ABHD2: variants seen among roughly 807,000 people sequenced by gnomAD.
The protein encoded by ABHD2 is abhydrolase domain containing 2, acylglycerol lipase, also known as monoacylglycerol lipase ABHD2.
A neutral mutation model predicts 48.1 loss-of-function variants in ABHD2; 20 were observed. That is an observed-to-expected ratio of 0.42 (90% CI 0.29 to 0.60). ABHD2 has a LOEUF of 0.60. Among genes scored for constraint, ABHD2 ranks in the 20% least tolerant of loss-of-function variants. The probability of loss-of-function intolerance (pLI) is 0.24; values close to 1 mark genes in which losing one functional copy is unlikely to be tolerated. For missense variants in ABHD2, 405 were observed against 550.9 expected (o/e 0.74, Z 2.65); for synonymous variants, 209 against 214.2 (o/e 0.98, Z 0.21).
chr15:89,129,211 G>T (rs1044545466), intron 3 of ABHD2, among the ~76,000 whole-genome samples: 2 of 152,056 alleles, frequency 1.3e-5, no homozygotes, highest in African/African-American at 4.8e-5. Flanking sequence ...GGTTGTGGGG[G>T]TGGGCAGAGA....
rs1249982807 is a variant in ABHD2 at position 89,116,513 on chromosome 15, G to T, written c.186G>T (p.Leu62=). Residue 62 remains leucine, a synonymous_variant, in exon 3 of 11, where the codon CTG becomes CTT. Coordinates refer to ENST00000352732, the MANE Select transcript of ABHD2 (RefSeq NM_152924.5). This position sits in a 1 kb window ranked among gnomAD's most constrained non-coding sequence, Gnocchi z 4.6. ...SRFLLKSCPL[L]TKEYIPPLIW... ...TTCTGCTCAAGTCCTGTCCTCTTCTGACCAAAGAGTGAGTAGACCTCATGC... is the reference window on the plus strand; with the variant it reads ...TTCTGCTCAAGTCCTGTCCTCTTCTTACCAAAGAGTGAGTAGACCTCATGC... 3 of 1,613,494 alleles carry T rather than the reference G, an allele frequency of 1.9e-6. No homozygotes were observed. The highest frequency in any genetic ancestry group is 1.7e-5 in the Admixed American group (1 of 59,952).
At chr15:89,183,387 ATATATAT>A (rs1567109344) in intron 6 of ABHD2, 37 of 76,176 alleles carry the variant, frequency 4.9e-4, no homozygotes, top group East Asian at 6.5e-4. Context: ...AAAAAAAAAT[ATATATAT>A]ATATATATAT....
In ABHD2 at chr15:89,189,067, C is replaced by A. The variant is rs1372578152; in HGVS notation, c.926+764C>A. 6.6e-6 allele frequency among the ~76,000 whole-genome samples: 1 copy of A among 152,198 alleles called. No individual in the cohort carries two copies. Among genetic ancestry groups the A allele is most frequent in the African/African-American group, 2.4e-5 (1 of 41,458 alleles). On this transcript the variant is annotated intron_variant, in intron 8 of 10. Coordinates refer to ENST00000352732, the MANE Select transcript of ABHD2 (RefSeq NM_152924.5). The surrounding 1 kb of genome is among the most constrained non-coding windows in gnomAD (Gnocchi z 4.9). ...TCTCTCCTCCAGGCACCTGAGGTTG[C>A]AGCCTTGACAGTGGCCTCTTTCCTG...
rs376424915 is a variant in ABHD2, at chr15:89,092,017, T to C, written c.-107+3454T>C. ...CATTTTTAAGCCCTGTGCTGCTGTT[T>C]CTTTGTTGATACCATACAGATGCTA... is the stretch of plus-strand genomic sequence containing the variant. On this transcript the variant is annotated intron_variant, in intron 1 of 10. Transcript: ENST00000352732. This position sits in a 1 kb window ranked among gnomAD's most constrained non-coding sequence, Gnocchi z 4.4. 4.6e-5 allele frequency among the ~76,000 whole-genome samples: 7 copies of C among 152,240 alleles called. No individual in the cohort carries two copies. The East Asian group carries it at 1.3e-3, about 29-fold the overall frequency.
At chr15:89,134,164 A>G (rs948601425) in intron 3 of ABHD2, among the ~76,000 whole-genome samples, 6 of 152,186 alleles carry the variant, frequency 3.9e-5, no homozygotes, top group African/African-American at 1.4e-4. Flanking sequence ...TGTTTGCATA[A>G]TTAAATTTTT....
In ABHD2 at chr15:89,193,336, G is replaced by C. The variant is rs760368119; in HGVS notation, c.1081+17G>C. 1 of 1,606,768 alleles carries C rather than the reference G, an allele frequency of 6.2e-7. No homozygotes were observed. The highest frequency in any genetic ancestry group is 2.2e-5 in the East Asian group (1 of 44,868). On this transcript the variant is annotated intron_variant, in intron 10 of 10. Transcript: ENST00000352732. The stretch of plus-strand genomic sequence containing the variant: ...CTCTTTCAGGTAAGTGTTTCTTCCT[G>C]CTGCCCTCTCAACAGCTCAGCAAGT...
chr15:89,107,583 C>T (rs1180932009), intron 1 of ABHD2, among the ~76,000 whole-genome samples: 1 of 152,114 alleles, frequency 6.6e-6, no homozygotes, highest in Non-Finnish European at 1.5e-5. Context: ...TGTATGCCGG[C>T]ATTGTTTTAA....
rs555079142 is a variant in ABHD2, at chr15:89,163,447, C to G, written c.538+7913C>G. On this transcript the variant is annotated intron_variant, in intron 5 of 10. Transcript: ENST00000352732. ...CACTCTAATGAGTGCCAGGCATGTG[C>G]TTTCACGTTACTTCACTTGATCCTT... 6.6e-5 allele frequency among the ~76,000 whole-genome samples: 10 copies of G among 152,366 alleles called. No individual in the cohort carries two copies. In the South Asian group the frequency reaches 1.9e-3, roughly 28 times the overall value.
In ABHD2 at chr15:89,164,202, G is replaced by A. The variant is rs746061064; in HGVS notation, c.538+8668G>A. Reference sequence around the variant, plus strand: ...CCTTCAGGAAGATCCCAGTCTATGAGGAACTCTCACCATCTAGTTGGGGAA... The same window carrying A: ...CCTTCAGGAAGATCCCAGTCTATGAAGAACTCTCACCATCTAGTTGGGGAA... On this transcript the variant is annotated intron_variant, in intron 5 of 10. Coordinates refer to ENST00000352732, the MANE Select transcript of ABHD2 (RefSeq NM_152924.5). The surrounding 1 kb of genome is among the most constrained non-coding windows in gnomAD (Gnocchi z 5.0). Among the ~76,000 whole-genome samples, 1 of 152,166 alleles carries A rather than the reference G, an allele frequency of 6.6e-6. No individual in the cohort carries two copies. The highest frequency in any genetic ancestry group is 1.5e-5 in the Non-Finnish European group (1 of 68,028).
chr15:89,183,711 A>G (rs985552610), intron 6 of ABHD2, among the ~76,000 whole-genome samples: 1 of 151,942 alleles, frequency 6.6e-6, no homozygotes, highest in Non-Finnish European at 1.5e-5. Context: ...ATCTTTTTAT[A>G]TCTTGTTTAT....
the ABHD2 span, among the ~76,000 whole-genome samples, chr15:89,062,999 A>C: frequency 3.8e-5 from 5 of 130,880 alleles, no homozygotes; most frequent in Admixed American, 1.7e-4. Flanking sequence ...ACAGAGTCTC[A>C]CTCTGTCACC....
intron 1 of ABHD2, among the ~76,000 whole-genome samples, chr15:89,095,063 CA>C (rs72090062): frequency 0.058 from 3,141 of 53,810 alleles, 18 homozygotes; most frequent in Non-Finnish European, 0.088. Context: ...GACTGTGTCT[CA>C]AAAAAAAAAA....
At position 89,147,479 on chromosome 15, in the gene ABHD2, A is replaced by G. The variant is rs914091910; in HGVS notation, c.195-4198A>G. ...CGCCATTCTCCTGCCTCAGCCTCCCAAGTAGCTGGGATTACAGGTGCCCGC... is the reference window on the plus strand; with the variant it reads ...CGCCATTCTCCTGCCTCAGCCTCCCGAGTAGCTGGGATTACAGGTGCCCGC... On this transcript the variant is annotated intron_variant, in intron 3 of 10. Transcript: ENST00000352732. Among the ~76,000 whole-genome samples the G allele has an allele frequency of 5.4e-5, 8 of 148,914 alleles. 1 individual carries two copies. The South Asian group carries it at 1.1e-3, about 20-fold the overall frequency.
chr15:89,058,021 C>T, the ABHD2 span, among the ~76,000 whole-genome samples: 4 of 152,124 alleles, frequency 2.6e-5, no homozygotes, highest in Admixed American at 6.5e-5. Context: ...GGCAAGAGAA[C>T]GAATGGAAGC....
chr15:89,117,460 A>G (rs780579855), intron 3 of ABHD2, among the ~76,000 whole-genome samples: 18 of 152,316 alleles, frequency 1.2e-4, no homozygotes, highest in African/African-American at 3.6e-4. Flanking sequence ...CTTTTTCTCT[A>G]TAGATGTCTT....
At chr15:89,158,499 A>G (rs1408016779) in intron 5 of ABHD2, among the ~76,000 whole-genome samples, 1 of 152,198 alleles carries the variant, frequency 6.6e-6, no homozygotes, top group East Asian at 1.9e-4. Context: ...CCTTGCTCCC[A>G]GAGAGTACCT....
upstream of ABHD2, chr15:89,082,574 C>A (rs1054260998): frequency 6.6e-6 from 1 of 152,434 alleles, no homozygotes; most frequent in Non-Finnish European, 1.5e-5. The surrounding 1 kb of genome is among the most constrained non-coding windows in gnomAD (Gnocchi z 4.4). Context: ...CAATTCAAAT[C>A]TCCAAGAATC....
At chr15:89,056,117 T>A in the ABHD2 span, among the ~76,000 whole-genome samples, 22 of 152,306 alleles carry the variant, frequency 1.4e-4, no homozygotes, top group East Asian at 4.2e-3. Context: ...ACTCCCAAAG[T>A]GCTGGGATTA....
chr15:89,069,268 T>C, the ABHD2 span, among the ~76,000 whole-genome samples: 1 of 151,884 alleles, frequency 6.6e-6, no homozygotes, highest in Non-Finnish European at 1.5e-5. Flanking sequence ...ACTGGAACTA[T>C]AGGCATGCAC....
Sources: allele counts gnomAD v4.1 joint callset (sites outside exome capture counted in the v4.1 genomes callset), GRCh38; gene constraint gnomAD v4.1.1; non-coding constraint Gnocchi (gnomAD v3.1); transcripts MANE v1.5; gene names NCBI Gene and HGNC (gene_info 2026-07-23, HGNC 2026-07-21).